The following BMPER variants were observed in gnomAD, a reference collection of about 807,000 sequenced individuals.
BMPER encodes the protein BMP binding endothelial regulator.
In BMPER, 45 loss-of-function variants were observed where a neutral mutation model predicts 87.3. That is an observed-to-expected ratio of 0.52 (90% confidence interval 0.41 to 0.66). The LOEUF is 0.66. Ranked by LOEUF, BMPER falls within the 30% of genes least tolerant of loss-of-function variation. BMPER has a pLI of 0.00. For missense variants in BMPER, 784 were observed against 867.5 expected (o/e 0.90, Z 1.21); for synonymous variants, 326 against 316.2 (o/e 1.03, Z -0.33).
At position 33,972,052 on chromosome 7, in the gene BMPER, G is replaced by A. The variant is rs1004842016; in HGVS notation, c.493+1633G>A. The stretch of plus-strand genomic sequence containing the variant: ...CGAGTAGCTGGGACTACAGGCACCC[G>A]CCACCATGCCTGGCTAATTTTTTTG... On this transcript the variant is annotated intron_variant, in intron 5 of 14. Coordinates refer to ENST00000649409, the MANE Select transcript of BMPER (RefSeq NM_001365308.1). 3.2e-4 allele frequency among the ~76,000 whole-genome samples: 48 copies of A among 152,100 alleles called. 1 individual carries two copies. The highest frequency in any genetic ancestry group is 3.4e-3 in the Middle Eastern group (1 of 294).
intron 6 of BMPER, among the ~76,000 whole-genome samples, chr7:34,044,155 G>A (rs778587671): frequency 5.3e-5 from 8 of 152,082 alleles, no homozygotes; most frequent in African/African-American, 9.7e-5. Context: ...TTACTTTAAC[G>A]GACTCTTGGG....
In BMPER at chr7:34,079,023, C is replaced by T; in HGVS notation, c.1245C>T (p.Phe415=). The T allele has an allele frequency of 6.2e-7, 1 of 1,614,232 alleles. No individual in the cohort carries two copies. The highest frequency in any genetic ancestry group is 8.5e-7 in the Non-Finnish European group (1 of 1,180,038). ...ACGACGCCCGCCGGACACGCTCCTT[C>T]TCGTGGACCAAGTCGGTGGAGCTGG... ...VKNDARRTRS[F]SWTKSVELVL... Residue 415 remains phenylalanine, a synonymous_variant, in exon 12 of 15, where the codon TTC becomes TTT. Coordinates refer to ENST00000649409, the MANE Select transcript of BMPER (RefSeq NM_001365308.1).
At chr7:34,141,376 G>A (rs1351400467) in intron 13 of BMPER, among the ~76,000 whole-genome samples, 2 of 152,130 alleles carry the variant, frequency 1.3e-5, no homozygotes, top group African/African-American at 2.4e-5. Flanking sequence ...TTGGGAGGCC[G>A]AGGTGGGTGG....
intron 2 of BMPER, among the ~76,000 whole-genome samples, chr7:33,923,722 AT>A (rs779720418): frequency 3.3e-5 from 5 of 152,196 alleles, no homozygotes; most frequent in Non-Finnish European, 7.3e-5. Context: ...TCATGCACAC[AT>A]TTATGTGTCT....
At chr7:34,075,509 A>T (rs1788841474) in intron 11 of BMPER, among the ~76,000 whole-genome samples, 1 of 152,246 alleles carries the variant, frequency 6.6e-6, no homozygotes, top group Admixed American at 6.5e-5. Context: ...AACTCAAAAC[A>T]AAGATGAGAT....
At chr7:33,934,984 A>G (rs1024369581) in intron 2 of BMPER, among the ~76,000 whole-genome samples, 3 of 152,224 alleles carry the variant, frequency 2.0e-5, no homozygotes, top group African/African-American at 7.2e-5. Context: ...ACTGTCAACA[A>G]TACCAAGCAG....
At chr7:33,982,263 C>T (rs1226383727) in intron 6 of BMPER, among the ~76,000 whole-genome samples, 1 of 152,112 alleles carries the variant, frequency 6.6e-6, no homozygotes, top group African/African-American at 2.4e-5. Context: ...GCATTTTAGT[C>T]ATAAGCTGTC....
chr7:33,943,707 A>G (rs1784819211), intron 3 of BMPER, among the ~76,000 whole-genome samples: 2 of 152,216 alleles, frequency 1.3e-5, no homozygotes, highest in Admixed American at 6.5e-5. Flanking sequence ...GATGATAGGG[A>G]AAGCTGGTGT....
intron 6 of BMPER, among the ~76,000 whole-genome samples, chr7:33,995,927 G>A (rs1057337075): frequency 6.6e-6 from 1 of 152,192 alleles, no homozygotes; most frequent in Non-Finnish European, 1.5e-5. Context: ...TGGTCAGACA[G>A]GGATTCCATT....
chr7:33,923,077 T>C (rs764128935), intron 2 of BMPER, among the ~76,000 whole-genome samples: 2 of 152,154 alleles, frequency 1.3e-5, no homozygotes, highest in Admixed American at 6.5e-5. Flanking sequence ...TGCCTGCCTG[T>C]ATGTGTAGAC....
intron 13 of BMPER, among the ~76,000 whole-genome samples, chr7:34,113,617 G>C (rs1439782321): frequency 1.1e-5 from 1 of 93,994 alleles, no homozygotes; most frequent in Non-Finnish European, 2.3e-5. Flanking sequence ...TAAAACTTTG[G>C]GCTTAATAAT....
At chr7:34,061,461 C>T (rs1788433584) in intron 10 of BMPER, among the ~76,000 whole-genome samples, 1 of 152,164 alleles carries the variant, frequency 6.6e-6, no homozygotes, top group African/African-American at 2.4e-5. Context: ...GGATAACATA[C>T]CATTTTCTGA....
chr7:33,957,468 T>C (rs1785175154), intron 3 of BMPER, among the ~76,000 whole-genome samples: 1 of 151,670 alleles, frequency 6.6e-6, no homozygotes, highest in Non-Finnish European at 1.5e-5. Flanking sequence ...GCAAACTGAG[T>C]GTTGCTATAA....
chr7:34,129,577 G>GGAGAGAGAGAGAGAGAGAGAGA (rs759886152), intron 13 of BMPER, among the ~76,000 whole-genome samples: 1 of 47,718 alleles, frequency 2.1e-5, no homozygotes, highest in African/African-American at 7.6e-5. Flanking sequence ...AAGGAAGGAA[G>GGAGAGAGAGAGAGAGAGAGAGA]GAGAGAGAGA....
At chr7:34,019,307 T>G (rs902702770) in intron 6 of BMPER, among the ~76,000 whole-genome samples, 6 of 152,006 alleles carry the variant, frequency 3.9e-5, no homozygotes, top group South Asian at 4.1e-4. Context: ...GAGGAAACTG[T>G]ACATGTTAGC....
intron 6 of BMPER, among the ~76,000 whole-genome samples, chr7:34,029,791 C>A (rs1198889694): frequency 6.6e-6 from 1 of 152,034 alleles, no homozygotes; most frequent in African/African-American, 2.4e-5. Context: ...GGATAGCCTA[C>A]AAATACCCCT....
At chr7:34,137,226 A>G (rs79356974) in intron 13 of BMPER, among the ~76,000 whole-genome samples, 6,245 of 152,282 alleles carry the variant, frequency 0.041, 273 homozygotes, top group African/African-American at 0.11. Flanking sequence ...ACAGGAGAGG[A>G]GTGCAATAAG....
intron 4 of BMPER, among the ~76,000 whole-genome samples, chr7:33,967,039 A>C (rs1785423872): frequency 6.6e-6 from 1 of 152,196 alleles, no homozygotes; most frequent in African/African-American, 2.4e-5. Flanking sequence ...CAAATTAAAA[A>C]ACCACCAATT....
At chr7:34,088,048 A>G (rs182911901) in intron 13 of BMPER, among the ~76,000 whole-genome samples, 6 of 152,290 alleles carry the variant, frequency 3.9e-5, no homozygotes, top group Admixed American at 3.9e-4. Context: ...TCTGCCCTTA[A>G]TGATTCTACA....
Sources: gnomAD v4.1 joint callset for allele counts (sites outside exome capture counted in the v4.1 genomes callset) on GRCh38, gnomAD v4.1.1 for gene constraint, MANE v1.5 for transcripts, NCBI Gene and HGNC (gene_info 2026-07-23, HGNC 2026-07-21) for gene names.